UBR1: variants seen among roughly 807,000 people sequenced by gnomAD.
UBR1 encodes ubiquitin protein ligase E3 component n-recognin 1, also known as E3 ubiquitin-protein ligase UBR1.
Under a neutral mutation model 242.1 loss-of-function variants are expected in UBR1, and 102 were observed. The ratio of observed to expected loss-of-function variants is 0.42; its 90% CI spans 0.36 to 0.50. UBR1 has a LOEUF of 0.50. Among genes scored for constraint, UBR1 ranks in the 20% least tolerant of loss-of-function variants. The pLI is 0.01. For missense variants in UBR1, 1,772 were observed against 2,101.8 expected, an observed-to-expected ratio of 0.84 and a Z score of 3.07; for synonymous variants, 675 against 684.8, an observed-to-expected ratio of 0.99 and a Z score of 0.22.
intron 15 of UBR1, among the ~76,000 whole-genome samples, chr15:43,041,171 T>C (rs1326062417): frequency 6.6e-6 from 1 of 152,132 alleles, no homozygotes; most frequent in African/African-American, 2.4e-5. Flanking sequence ...CTATTCACAA[T>C]AGCAAAGACT....
At chr15:42,969,168 C>T (rs1231282919) in intron 40 of UBR1, among the ~76,000 whole-genome samples, 1 of 152,206 alleles carries the variant, frequency 6.6e-6, no homozygotes, top group Admixed American at 6.5e-5. Flanking sequence ...TCCACATCCT[C>T]TCCAGCACCT....
chr15:43,024,837 G>A lies in UBR1; in HGVS notation c.2731C>T (p.Leu911Phe). 1 of 1,614,190 alleles carries A rather than the reference G, an allele frequency of 6.2e-7. No homozygotes were observed. The highest frequency in any genetic ancestry group is 1.3e-5 in the African/African-American group (1 of 75,034). The change falls in exon 25 of 47, where the codon CTC (leucine) becomes TTC (phenylalanine). Residue 911 changes from leucine (L) to phenylalanine (F), a missense_variant. Leu to Phe is a conservative substitution (Grantham distance 22). Transcript: ENST00000290650. ...ATTTCAGGTAAACAAACCATTTGGA[G>A]CATCCCTTCGGTCCACAAGTTAGAA... is the stretch of plus-strand genomic sequence containing the variant. ...TDSNLWTEGMLQMAFHILALG... is the reference protein window; with the variant it reads ...TDSNLWTEGMFQMAFHILALG...
chr15:42,984,089 C>T lies in UBR1; in HGVS notation c.4054-96G>A, dbSNP rs1166623452. On this transcript the variant is annotated intron_variant, in intron 36 of 46. Transcript: ENST00000290650. ...TTGGTAAAAACCAACTCTAGTTTGTCGGAATTAGCTGCAGACTCATTATAT... is the reference window on the plus strand; with the variant it reads ...TTGGTAAAAACCAACTCTAGTTTGTTGGAATTAGCTGCAGACTCATTATAT... 12 of 809,660 alleles carry T rather than the reference C, an allele frequency of 1.5e-5. No homozygotes were observed. The East Asian group carries it at 1.7e-4, about 11-fold the overall frequency. 50.2% of individuals were successfully genotyped at this position (809,660 alleles called of 1,614,324 possible).
chr15:42,962,344 G>GT (rs986943772), intron 42 of UBR1, among the ~76,000 whole-genome samples: 6 of 152,166 alleles, frequency 3.9e-5, no homozygotes, highest in Non-Finnish European at 8.8e-5. Context: ...GGAAACAGCG[G>GT]TATCATGGAG....
chr15:42,963,895 TG>T (rs756849315), intron 42 of UBR1, 39 bp downstream of exon 42: 2 of 1,479,596 alleles, frequency 1.4e-6, no homozygotes, highest in African/African-American at 2.8e-5. Flanking sequence ...AATTTCAAAT[TG>T]TATAATAACC....
chr15:43,013,853 C>T lies in UBR1; in HGVS notation c.3209+1835G>A, dbSNP rs973292364. 2.0e-5 allele frequency among the ~76,000 whole-genome samples: 3 copies of T among 152,176 alleles called. No individual in the cohort carries two copies. In the East Asian group the frequency reaches 5.8e-4, roughly 29 times the overall value. ...ACTTTTCCTCCAAAAATTGAGTTGG[C>T]CTCTCCTCCTCCCCTTCCCCCTCCC... is the stretch of plus-strand genomic sequence containing the variant. On this transcript the variant is annotated intron_variant, in intron 29 of 46. Coordinates refer to ENST00000290650, the MANE Select transcript of UBR1 (RefSeq NM_174916.3).
chr15:42,960,706 A>T lies in UBR1; in HGVS notation c.4701-5T>A. On this transcript the variant is annotated splice_region_variant and splice_polypyrimidine_tract_variant and intron_variant, in intron 42 of 46. Transcript: ENST00000290650. ...AAGGCAGGATCTGCACACCACCTGT[A>T]TGTGGAGCCAAGAGAAAAGACAAAT... 1.9e-6 allele frequency: 3 copies of T among 1,613,814 alleles called. No individual in the cohort carries two copies. Among genetic ancestry groups the T allele is most frequent in the Non-Finnish European group, 2.5e-6 (3 of 1,179,760 alleles).
chr15:42,964,364 G>A (rs1355680660), intron 41 of UBR1, among the ~76,000 whole-genome samples: 1 of 152,156 alleles, frequency 6.6e-6, no homozygotes, highest in East Asian at 1.9e-4. Flanking sequence ...AGCTACTAGG[G>A]AGGCTGAGGC....
intron 32 of UBR1, among the ~76,000 whole-genome samples, chr15:43,002,052 T>C (rs1394772100): frequency 6.6e-6 from 1 of 152,182 alleles, no homozygotes; most frequent in African/African-American, 2.4e-5. Flanking sequence ...ATGTAAAGAT[T>C]TGAGTAAATA....
At chr15:43,056,561 CTATT>C in intron 10 of UBR1, 119 bp from the exon 11 acceptor site, 2 of 656,564 alleles carry the variant, frequency 3.0e-6, no homozygotes, top group Non-Finnish European at 5.2e-6. Flanking sequence ...AATATAATTC[CTATT>C]TATTAAGGCA....
intron 1 of UBR1, among the ~76,000 whole-genome samples, chr15:43,104,157 G>C (rs926967968): frequency 1.4e-4 from 22 of 152,068 alleles, no homozygotes; most frequent in African/African-American, 5.3e-4. Flanking sequence ...CCAAAGCCCT[G>C]CCCAACAAAA....
In UBR1 at chr15:43,011,665, T is replaced by C. The variant is rs565981751; in HGVS notation, c.3209+4023A>G. Among the ~76,000 whole-genome samples, 4 of 152,304 alleles carry C rather than the reference T, an allele frequency of 2.6e-5. No individual in the cohort carries two copies. In the East Asian group the frequency reaches 7.7e-4, roughly 29 times the overall value. ...GTGAGAACAAAGTAAATTAGGCACG[T>C]ATATACACTATCAGGAGCAGAAACT... On this transcript the variant is annotated intron_variant, in intron 29 of 46. Coordinates refer to ENST00000290650, the MANE Select transcript of UBR1 (RefSeq NM_174916.3).
Position 43,075,864 on chromosome 15 carries a change from C to T in UBR1, c.418-775G>A, listed in dbSNP as rs576549292. ...TCCCGACCTCAGGTGATCCGCCCGC[C>T]TCAGCCTGCCAAAGTGCTGGGATTA... On this transcript the variant is annotated intron_variant, in intron 3 of 46. Coordinates refer to ENST00000290650, the MANE Select transcript of UBR1 (RefSeq NM_174916.3). Among the ~76,000 whole-genome samples, 6 of 152,196 alleles carry T rather than the reference C, an allele frequency of 3.9e-5. No individual in the cohort carries two copies. In the South Asian group the frequency reaches 1.2e-3, roughly 32 times the overall value.
intron 37 of UBR1, among the ~76,000 whole-genome samples, chr15:42,983,111 T>C (rs1334745645): frequency 6.6e-6 from 1 of 152,208 alleles, no homozygotes; most frequent in African/African-American, 2.4e-5. Context: ...TTAGCTGTTA[T>C]AGCCAGCCTG....
intron 2 of UBR1, among the ~76,000 whole-genome samples, chr15:43,083,316 T>A (rs1369079721): frequency 1.3e-5 from 2 of 152,242 alleles, no homozygotes; most frequent in Admixed American, 6.5e-5. Context: ...CATTGTTTTA[T>A]TTAACATTTT....
At chr15:43,032,853 T>C (rs2033275187) in intron 19 of UBR1, among the ~76,000 whole-genome samples, 1 of 152,224 alleles carries the variant, frequency 6.6e-6, no homozygotes, top group African/African-American at 2.4e-5. Flanking sequence ...GTCATCATTT[T>C]CATTATCATT....
In UBR1 at chr15:43,054,846, CAG is replaced by C; in HGVS notation, c.1333_1334del (p.Leu445AlafsTer6). 6.2e-7 allele frequency: 1 copy of C among 1,614,140 alleles called. No homozygotes were observed. ...QNVISVITET[L>X]LEVLPEYLDR... ...CCAAGTACTCAGGTAAAACTTCTAGCAGAGTTTCAGTAATGACAGAGATAACA... is the reference window on the plus strand; with the variant it reads ...CCAAGTACTCAGGTAAAACTTCTAGCAGTTTCAGTAATGACAGAGATAACA... On this transcript the variant is annotated frameshift_variant, in exon 12 of 47. Coordinates refer to ENST00000290650, the MANE Select transcript of UBR1 (RefSeq NM_174916.3). LOFTEE classifies it high-confidence loss of function.
intron 40 of UBR1, among the ~76,000 whole-genome samples, chr15:42,967,714 G>A (rs1196042685): frequency 6.6e-6 from 1 of 151,470 alleles, no homozygotes; most frequent in Non-Finnish European, 1.5e-5. Flanking sequence ...TAGGGGGAGG[G>A]AGCAAATGGC....
At position 42,966,397 on chromosome 15, in the gene UBR1, T is replaced by A. The variant is rs564224994; in HGVS notation, c.4458-111A>T. 2.3e-3 allele frequency: 3,374 copies of A among 1,441,224 alleles called. 17 individuals carry two copies. The highest frequency in any genetic ancestry group is 7.5e-3 in the South Asian group (624 of 83,436). The allele number at this position is 1,441,224 out of a possible 1,614,324, so 89.3% of individuals were successfully genotyped here. A position where few individuals can be genotyped will look rare whatever the true frequency, so the allele number is the denominator to read the frequency against. ...AGTTAAACATTTAGGTAATTTATTA[T>A]CCATGCAATTTTTAAACATTTAAAA... On this transcript the variant is annotated intron_variant, in intron 40 of 46. Coordinates refer to ENST00000290650, the MANE Select transcript of UBR1 (RefSeq NM_174916.3).
Sources: allele counts gnomAD v4.1 joint callset (sites outside exome capture counted in the v4.1 genomes callset), GRCh38; gene constraint gnomAD v4.1.1; transcripts MANE v1.5; gene names NCBI Gene and HGNC (gene_info 2026-07-23, HGNC 2026-07-21).